RALGPS2: variants seen among roughly 807,000 people sequenced by gnomAD.
RALGPS2 encodes Ral GEF with PH domain and SH3 binding motif 2.
RALGPS2 carries 43 observed loss-of-function variants against 86.8 expected under a neutral mutation model. The ratio of observed to expected loss-of-function variants is 0.50; its 90% confidence interval spans 0.39 to 0.64. The LOEUF is 0.64. RALGPS2 is among the 30% of genes least tolerant of loss of function. The pLI is 0.00. For missense variants in RALGPS2, 536 were observed against 694.6 expected (o/e 0.77, Z 2.57); for synonymous variants, 243 against 231.3 (o/e 1.05, Z -0.46).
In RALGPS2 at chr1:178,906,783, G is replaced by C. The variant is rs140232612; in HGVS notation, c.1638G>C (p.Ser546=). ...FLLTDSEKGN[S]YKFQAGNRMN... is the part of the protein sequence containing the mutation. ...TATTTTGGATAATTTTAGGAAATTC[G>C]TACAAGTTTCAAGCTGGCAATAGAA... Residue 546 remains serine (S), a synonymous_variant, in exon 19 of 20, where the codon TCG becomes TCC. Coordinates refer to ENST00000367635, the MANE Select transcript of RALGPS2 (RefSeq NM_152663.5). 1.9e-6 allele frequency: 3 copies of C among 1,608,544 alleles called. No individual in the cohort carries two copies. Among genetic ancestry groups the C allele is most frequent in the Admixed American group, 1.7e-5 (1 of 58,996 alleles).
intron 1 of RALGPS2, among the ~76,000 whole-genome samples, chr1:178,740,341 T>TA (rs1292559769): frequency 6.6e-6 from 1 of 152,242 alleles, no homozygotes; most frequent in Non-Finnish European, 1.5e-5. Flanking sequence ...GCTATTTTTT[T>TA]AACCATATAA....
chr1:178,787,643 C>G (rs1176171871), intron 4 of RALGPS2, among the ~76,000 whole-genome samples: 1 of 152,012 alleles, frequency 6.6e-6, no homozygotes, highest in Non-Finnish European at 1.5e-5. Context: ...AATTTTTATT[C>G]CCTTGGGGCA....
chr1:178,816,093 C>T (rs1349907833), intron 6 of RALGPS2, among the ~76,000 whole-genome samples: 2 of 152,074 alleles, frequency 1.3e-5, no homozygotes, highest in Non-Finnish European at 2.9e-5. Flanking sequence ...GAATGGTGGA[C>T]TTTCTGGGTT....
chr1:178,889,089 T>C lies in RALGPS2; in HGVS notation c.1193-553T>C, dbSNP rs111468866. ...AACGTTCTGTTTGAAGACCATTTTA[T>C]TTTAACTGATCTTTTGGCCAAAGAG... On this transcript the variant is annotated intron_variant, in intron 13 of 19. Coordinates refer to ENST00000367635, the MANE Select transcript of RALGPS2 (RefSeq NM_152663.5). 3.5e-3 allele frequency among the ~76,000 whole-genome samples: 529 copies of C among 152,224 alleles called. 4 individuals carry two copies. Among genetic ancestry groups the C allele is most frequent in the South Asian group, 0.012 (56 of 4,826 alleles).
At chr1:178,863,137 G>C (rs1047786403) in intron 8 of RALGPS2, among the ~76,000 whole-genome samples, 25 of 152,182 alleles carry the variant, frequency 1.6e-4, no homozygotes, top group Non-Finnish European at 3.2e-4. Context: ...AGCTGCTGCT[G>C]TGGATCATTT....
At chr1:178,737,156 C>T (rs891167615) in intron 1 of RALGPS2, among the ~76,000 whole-genome samples, 2 of 152,168 alleles carry the variant, frequency 1.3e-5, no homozygotes, top group East Asian at 1.9e-4. Context: ...ATATGGCATT[C>T]GAATTTAAGA....
intron 8 of RALGPS2, among the ~76,000 whole-genome samples, chr1:178,868,273 G>T (rs1486889458): frequency 2.0e-5 from 3 of 151,810 alleles, no homozygotes; most frequent in Non-Finnish European, 4.4e-5. Context: ...GTGGAATTTA[G>T]ATATGGGTTA....
intron 8 of RALGPS2, chr1:178,870,799 A>T (rs1304045932): frequency 6.6e-6 from 1 of 152,168 alleles, no homozygotes; most frequent in Non-Finnish European, 1.5e-5. Flanking sequence ...TCTTGATTTT[A>T]AAAATCAGTG....
At chr1:178,900,186 G>GA (rs1230021593) in intron 17 of RALGPS2, among the ~76,000 whole-genome samples, 1 of 151,606 alleles carries the variant, frequency 6.6e-6, no homozygotes, top group African/African-American at 2.4e-5. Context: ...AGCTGGAGGA[G>GA]AAAAAAAATC....
chr1:178,858,273 T>G lies in RALGPS2; in HGVS notation c.608-19225T>G, dbSNP rs12757741. 6.3e-3 allele frequency among the ~76,000 whole-genome samples: 952 copies of G among 152,306 alleles called. 4 individuals are homozygous for G. The highest frequency in any genetic ancestry group is 0.012 in the Non-Finnish European group (798 of 67,972). ...ATTTTCTCATTATTACTTGAAAATC[T>G]TATTTACTTTCTGCCCTAAAATTAG... On this transcript the variant is annotated intron_variant, in intron 8 of 19. Transcript: ENST00000367635.
At chr1:178,877,969 A>G (rs976643402) in intron 9 of RALGPS2, among the ~76,000 whole-genome samples, 4 of 152,128 alleles carry the variant, frequency 2.6e-5, no homozygotes, top group African/African-American at 4.8e-5. Flanking sequence ...TAGCACAGCT[A>G]TTTGGCCCTT....
At chr1:178,847,243 C>T (rs997339350) in intron 8 of RALGPS2, among the ~76,000 whole-genome samples, 3 of 152,074 alleles carry the variant, frequency 2.0e-5, no homozygotes, top group Middle Eastern at 3.2e-3. Flanking sequence ...GTCAGGAGTT[C>T]GAGACTAGCC....
intron 8 of RALGPS2, among the ~76,000 whole-genome samples, chr1:178,840,598 A>C (rs1424448503): frequency 1.3e-5 from 2 of 152,228 alleles, no homozygotes; most frequent in Non-Finnish European, 2.9e-5. Context: ...CTAGAGAAGC[A>C]AGAGCAAACA....
At chr1:178,911,678 G>A (rs1660632410) in intron 19 of RALGPS2, among the ~76,000 whole-genome samples, 1 of 152,200 alleles carries the variant, frequency 6.6e-6, no homozygotes, top group Admixed American at 6.5e-5. Flanking sequence ...TGAAAAGAAT[G>A]TATATTCTTG....
chr1:178,765,770 A>T (rs1293745019), intron 1 of RALGPS2, among the ~76,000 whole-genome samples: 1 of 152,186 alleles, frequency 6.6e-6, no homozygotes, highest in East Asian at 1.9e-4. Flanking sequence ...TTGGTAATGC[A>T]TTCTCTTTCT....
chr1:178,908,856 A>G (rs1300615658), intron 19 of RALGPS2, among the ~76,000 whole-genome samples: 1 of 151,928 alleles, frequency 6.6e-6, no homozygotes, highest in African/African-American at 2.4e-5. Context: ...ATTCTCTAGG[A>G]ATGTTGGTTT....
chr1:178,892,519 G>A lies in RALGPS2; in HGVS notation c.1325+212G>A, dbSNP rs142458755. Among the ~76,000 whole-genome samples, 909 of 152,134 alleles carry A rather than the reference G, an allele frequency of 6.0e-3. 15 individuals carry two copies. Among genetic ancestry groups the A allele is most frequent in the African/African-American group, 0.021 (880 of 41,530 alleles). The stretch of plus-strand genomic sequence containing the variant: ...TCCACAGAGCTAATTGCTAAAACTT[G>A]CATCTTAATGTTACATATTTTAAAA... On this transcript the variant is annotated intron_variant, in intron 15 of 19. Coordinates refer to ENST00000367635, the MANE Select transcript of RALGPS2 (RefSeq NM_152663.5).
At chr1:178,763,873 TG>T (rs1245260010) in intron 1 of RALGPS2, among the ~76,000 whole-genome samples, 2 of 152,026 alleles carry the variant, frequency 1.3e-5, no homozygotes, top group East Asian at 1.9e-4. Context: ...TGTATGATTT[TG>T]TTTTTTTTTT....
chr1:178,741,981 C>A (rs1262031925), intron 1 of RALGPS2, among the ~76,000 whole-genome samples: 1 of 151,672 alleles, frequency 6.6e-6, no homozygotes, highest in Non-Finnish European at 1.5e-5. Context: ...ACCAAAAATA[C>A]AAAAATTAGC....
Sources: gnomAD v4.1 joint callset for allele counts (sites outside exome capture counted in the v4.1 genomes callset) on GRCh38, gnomAD v4.1.1 for gene constraint, MANE v1.5 for transcripts, NCBI Gene and HGNC (gene_info 2026-07-23, HGNC 2026-07-21) for gene names.